KAZN: variants seen among roughly 807,000 people sequenced by gnomAD.
The protein encoded by KAZN is kazrin, periplakin interacting protein.
In KAZN, 40 loss-of-function variants were observed where a neutral mutation model predicts 87.4. The observed-to-expected ratio is 0.46, with a 90% confidence interval of 0.36 to 0.60. The LOEUF (loss-of-function observed/expected upper bound fraction) is 0.60, where lower values mean the gene tolerates loss of function less well. Among genes scored for constraint, KAZN ranks in the 20% least tolerant of loss-of-function variants. The pLI is 0.00. For synonymous variants in KAZN, 466 were observed against 458.3 expected (o/e 1.02, Z -0.22); for missense variants, 898 against 1,073.9 (o/e 0.84, Z 2.29).
chr1:14,954,397 A>G (rs1485771085), intron 1 of KAZN, among the ~76,000 whole-genome samples: 5 of 152,250 alleles, frequency 3.3e-5, no homozygotes, highest in Admixed American at 1.3e-4. Flanking sequence ...TTCTCCAGTA[A>G]GGATGACTCC....
chr1:14,918,632 C>T (rs111597770), intron 1 of KAZN, among the ~76,000 whole-genome samples: 3,533 of 136,386 alleles, frequency 0.026, 136 homozygotes, highest in African/African-American at 0.091. Context: ...GCTGAGATTG[C>T]GCCACTGAAG....
chr1:15,072,563 G>A (rs750830823), intron 8 of KAZN, among the ~76,000 whole-genome samples: 7 of 152,226 alleles, frequency 4.6e-5, no homozygotes, highest in Admixed American at 2.0e-4. Flanking sequence ...AGTCAGGGCT[G>A]CCTCACTTAT....
At chr1:14,075,669 C>G (rs909199591) in intron 1 of KAZN, among the ~76,000 whole-genome samples, 1 of 152,182 alleles carries the variant, frequency 6.6e-6, no homozygotes, top group Non-Finnish European at 1.5e-5. Context: ...ATTGTTTTTG[C>G]TCTTTCCCGG....
At chr1:13,980,167 A>G (rs190432156) in intron 1 of KAZN, among the ~76,000 whole-genome samples, 6 of 152,252 alleles carry the variant, frequency 3.9e-5, no homozygotes, top group African/African-American at 1.2e-4. Flanking sequence ...TGAGAATCTA[A>G]TGGAAGGAGA....
At chr1:14,797,925 C>G (rs977521685) in intron 1 of KAZN, among the ~76,000 whole-genome samples, 5 of 152,172 alleles carry the variant, frequency 3.3e-5, no homozygotes, top group Non-Finnish European at 7.3e-5. Flanking sequence ...ACACGATGCC[C>G]ACGATGTGCC....
At chr1:14,882,617 G>A (rs1418568619) in intron 1 of KAZN, among the ~76,000 whole-genome samples, 1 of 152,212 alleles carries the variant, frequency 6.6e-6, no homozygotes, top group Non-Finnish European at 1.5e-5. Context: ...GCTAAGGGAA[G>A]TGCTGGCTCT....
chr1:14,432,254 A>G (rs1022481539), intron 2 of KAZN, among the ~76,000 whole-genome samples: 1 of 152,236 alleles, frequency 6.6e-6, no homozygotes, highest in Non-Finnish European at 1.5e-5. Flanking sequence ...GACTATGTAG[A>G]TCATGGACCA....
Position 14,244,083 on chromosome 1 carries a change from A to G in KAZN, c.249+63491A>G, listed in dbSNP as rs560125295. 7.2e-5 allele frequency among the ~76,000 whole-genome samples: 11 copies of G among 152,370 alleles called. No homozygotes were observed. The South Asian group carries it at 2.3e-3, about 32-fold the overall frequency. On this transcript the variant is annotated intron_variant, in intron 2 of 16. Transcript: ENST00000636203. ...ATTAAACAGAGAAAAATTATCATTA[A>G]ACATCACCCGCCATGTGGCTTCTGT...
intron 1 of KAZN, among the ~76,000 whole-genome samples, chr1:14,751,679 C>A (rs935395928): frequency 1.3e-5 from 2 of 152,146 alleles, no homozygotes; most frequent in African/African-American, 4.8e-5. Flanking sequence ...TGGTGTTCAA[C>A]CCTGAGTCCA....
At chr1:14,893,368 A>T (rs1239377295) in intron 1 of KAZN, among the ~76,000 whole-genome samples, 3 of 152,208 alleles carry the variant, frequency 2.0e-5, no homozygotes, top group Admixed American at 1.3e-4. Context: ...TTTGTTTCAA[A>T]AAAAAAGAAA....
At chr1:14,924,663 G>T in intron 1 of KAZN, 1 of 743,504 alleles carries the variant, frequency 1.3e-6, no homozygotes, top group Non-Finnish European at 1.6e-6. Flanking sequence ...TCGGAGCCGG[G>T]ATCGGGAAGC....
intron 2 of KAZN, among the ~76,000 whole-genome samples, chr1:14,198,540 C>T (rs987000618): frequency 8.5e-5 from 13 of 152,084 alleles, no homozygotes; most frequent in African/African-American, 1.2e-4. Context: ...GTGGAGATTG[C>T]GGTGAGCTGA....
At chr1:14,358,515 T>C (rs1306638694) in intron 2 of KAZN, among the ~76,000 whole-genome samples, 2 of 152,202 alleles carry the variant, frequency 1.3e-5, no homozygotes, top group African/African-American at 4.8e-5. Flanking sequence ...ATTGTGATGT[T>C]AGGGTGTCGA....
chr1:14,964,184 C>A (rs1664191858), intron 2 of KAZN, among the ~76,000 whole-genome samples: 1 of 152,096 alleles, frequency 6.6e-6, no homozygotes, highest in African/African-American at 2.4e-5. Flanking sequence ...ATTTCTGGTT[C>A]TAGAGCTTGG....
At chr1:14,247,233 ACTTT>A (rs777773383) in intron 2 of KAZN, among the ~76,000 whole-genome samples, 16 of 152,208 alleles carry the variant, frequency 1.1e-4, no homozygotes, top group Non-Finnish European at 1.6e-4. Flanking sequence ...AGGCAAACTA[ACTTT>A]CTTTCATTAG....
chr1:14,333,840 C>T (rs1305150524), intron 2 of KAZN, among the ~76,000 whole-genome samples: 1 of 151,958 alleles, frequency 6.6e-6, no homozygotes, highest in Non-Finnish European at 1.5e-5. Context: ...GGGAAGTTTT[C>T]CAGCAATGAG....
chr1:14,122,806 G>T (rs1357459622), intron 1 of KAZN, among the ~76,000 whole-genome samples: 1 of 152,078 alleles, frequency 6.6e-6, no homozygotes, highest in South Asian at 2.1e-4. Flanking sequence ...CATGCCTTAA[G>T]ATCTAACTTT....
intron 1 of KAZN, among the ~76,000 whole-genome samples, chr1:13,916,870 G>T (rs558746025): frequency 2.0e-5 from 3 of 152,068 alleles, no homozygotes; most frequent in Admixed American, 1.3e-4. Context: ...GAGTGGGCTC[G>T]GGGAGAATGG....
intron 1 of KAZN, among the ~76,000 whole-genome samples, chr1:14,094,645 A>G (rs562491779): frequency 3.3e-5 from 5 of 152,328 alleles, no homozygotes; most frequent in Admixed American, 6.5e-5. Context: ...ATCACTTATC[A>G]TTTTAAAACC....
Sources: gnomAD v4.1 joint callset for allele counts (sites outside exome capture counted in the v4.1 genomes callset) on GRCh38, gnomAD v4.1.1 for gene constraint, MANE v1.5 for transcripts, NCBI Gene and HGNC (gene_info 2026-07-23, HGNC 2026-07-21) for gene names.